Variants in VTI1A observed in about 807,000 individuals in gnomAD.
The protein encoded by VTI1A is vesicle transport through interaction with t-SNAREs homolog 1A.
Under a neutral mutation model 34.9 loss-of-function variants are expected in VTI1A, and 22 were observed. The ratio of observed to expected loss-of-function variants is 0.63; its 90% CI spans 0.45 to 0.90. The LOEUF (loss-of-function observed/expected upper bound fraction) is 0.90. Among genes scored for constraint, VTI1A ranks in the 40% least tolerant of loss-of-function variants. The pLI is 0.00. For synonymous variants in VTI1A, 87 were observed against 97.3 expected, an observed-to-expected ratio of 0.89 and a Z score of 0.62; for missense variants, 268 against 275.6, an observed-to-expected ratio of 0.97 and a Z score of 0.20.
upstream of VTI1A, chr10:112,447,073 C>A: frequency 2.5e-6 from 1 of 399,588 alleles, no homozygotes; most frequent in East Asian, 3.8e-5. Context: ...AATGATCCCT[C>A]AGAACTTGCA....
At chr10:112,801,103 A>G (rs1252122613) in intron 7 of VTI1A, among the ~76,000 whole-genome samples, 2 of 152,176 alleles carry the variant, frequency 1.3e-5, no homozygotes, top group Non-Finnish European at 2.9e-5. Context: ...TTTGCTTCTC[A>G]ATAAAGGGTT....
At chr10:112,844,438 C>T in the VTI1A span, among the ~76,000 whole-genome samples, 3 of 152,214 alleles carry the variant, frequency 2.0e-5, no homozygotes, top group Non-Finnish European at 4.4e-5. Flanking sequence ...CTTGCTCTGT[C>T]GCCCTGGCTG....
intron 5 of VTI1A, among the ~76,000 whole-genome samples, chr10:112,618,514 T>G (rs868858261): frequency 0.31 from 12,792 of 41,566 alleles, 1,169 homozygotes; most frequent in Non-Finnish European, 0.33. Context: ...TATATATATA[T>G]ATATATATAT....
intron 7 of VTI1A, among the ~76,000 whole-genome samples, chr10:112,783,811 G>A (rs140866212): frequency 2.0e-4 from 30 of 152,322 alleles, no homozygotes; most frequent in African/African-American, 4.8e-4. Flanking sequence ...GTGCTGAGCC[G>A]ATTCCAGCAT....
chr10:112,558,443 T>G (rs1377854856), intron 5 of VTI1A, among the ~76,000 whole-genome samples: 3 of 152,216 alleles, frequency 2.0e-5, no homozygotes, highest in African/African-American at 2.4e-5. Context: ...TCAGTGTGCA[T>G]AAATACTTAT....
intron 5 of VTI1A, among the ~76,000 whole-genome samples, chr10:112,565,739 A>G (rs752978032): frequency 5.3e-5 from 8 of 152,206 alleles, no homozygotes; most frequent in Non-Finnish European, 1.0e-4. Flanking sequence ...AATCAAGAGG[A>G]CGGGCTATCA....
intron 1 of VTI1A, among the ~76,000 whole-genome samples, chr10:112,451,559 G>C (rs1169068426): frequency 2.0e-5 from 3 of 152,214 alleles, no homozygotes; most frequent in African/African-American, 7.2e-5. Context: ...TTGGAACTGG[G>C]CTTTGAACTC....
intron 5 of VTI1A, among the ~76,000 whole-genome samples, chr10:112,558,918 G>A (rs1391516624): frequency 6.6e-6 from 1 of 152,092 alleles, no homozygotes; most frequent in Admixed American, 6.6e-5. Context: ...TTTTATGGTG[G>A]CATTAAGAGA....
chr10:112,767,649 C>A lies in VTI1A; in HGVS notation c.561-47641C>A, dbSNP rs184935394. On this transcript the variant is annotated intron_variant, in intron 7 of 7. Coordinates refer to ENST00000393077, the MANE Select transcript of VTI1A (RefSeq NM_145206.4). The surrounding 1 kb of genome is among the most constrained non-coding windows in gnomAD (Gnocchi z 4.0). ...TCGTTTGAGTTTTCAACTAAAGGGT[C>A]TTTCCTGCCTGCCTACCTTATTTCT... Among the ~76,000 whole-genome samples the A allele has an allele frequency of 2.3e-4, 35 of 151,908 alleles. No homozygotes were observed. The highest frequency in any genetic ancestry group is 3.4e-3 in the Middle Eastern group (1 of 290).
At position 112,611,737 on chromosome 10, in the gene VTI1A, A is replaced by ATTTTTTTTTTTTTTTTTTTT. The variant is rs3057346; in HGVS notation, c.428-56478_428-56459dup. 8.5e-3 allele frequency among the ~76,000 whole-genome samples: 860 copies of ATTTTTTTTTTTTTTTTTTTT among 100,750 alleles called. 51 individuals carry two copies. The highest frequency in any genetic ancestry group is 0.012 in the Non-Finnish European group (640 of 52,114). 66.1% of individuals were successfully genotyped at this position (100,750 alleles called of 152,430 possible). On this transcript the variant is annotated intron_variant, in intron 5 of 7. Coordinates refer to ENST00000393077, the MANE Select transcript of VTI1A (RefSeq NM_145206.4). ...TAAAGCCCATTTGGTGAGAAAGGTA[A>ATTTTTTTTTTTTTTTTTTTT]TTTTTTTTTTTTTTTTTTTTTTGTG...
the VTI1A span, among the ~76,000 whole-genome samples, chr10:112,838,073 A>G: frequency 3.9e-5 from 6 of 152,238 alleles, no homozygotes; most frequent in Admixed American, 3.9e-4. Flanking sequence ...GCCAGTGTGA[A>G]GGCCCAGGCA....
chr10:112,778,017 G>A (rs920891681), intron 7 of VTI1A, among the ~76,000 whole-genome samples: 3 of 152,070 alleles, frequency 2.0e-5, no homozygotes, highest in African/African-American at 7.2e-5. Context: ...CAGGAGAATC[G>A]CTTGAACCTG....
chr10:112,840,965 G>A, the VTI1A span, among the ~76,000 whole-genome samples: 1,313 of 152,276 alleles, frequency 8.6e-3, 19 homozygotes, highest in African/African-American at 0.03. Context: ...CACGACACCT[G>A]CCATCTAGGA....
chr10:112,496,745 G>C (rs1849040019), intron 3 of VTI1A, among the ~76,000 whole-genome samples: 1 of 152,196 alleles, frequency 6.6e-6, no homozygotes, highest in Non-Finnish European at 1.5e-5. Context: ...GTGTGAACCT[G>C]ATATGCTGCT....
At chr10:112,753,747 A>C (rs1205911270) in intron 7 of VTI1A, among the ~76,000 whole-genome samples, 1 of 152,210 alleles carries the variant, frequency 6.6e-6, no homozygotes, top group Non-Finnish European at 1.5e-5. Context: ...TTTTTCGTGA[A>C]TATATTCATA....
chr10:112,682,431 A>G (rs1470975106), intron 7 of VTI1A, among the ~76,000 whole-genome samples: 2 of 152,210 alleles, frequency 1.3e-5, no homozygotes, highest in African/African-American at 4.8e-5. Context: ...TGGAGAAATT[A>G]ATTTACCAAT....
At chr10:112,578,066 T>C (rs1368898679) in intron 5 of VTI1A, among the ~76,000 whole-genome samples, 1 of 152,244 alleles carries the variant, frequency 6.6e-6, no homozygotes, top group Non-Finnish European at 1.5e-5. Flanking sequence ...TTGAACCTTT[T>C]TGAGCCCAAG....
Position 112,759,055 on chromosome 10 carries a change from C to T in VTI1A, c.561-56235C>T, listed in dbSNP as rs975994679. 2.6e-5 allele frequency among the ~76,000 whole-genome samples: 4 copies of T among 152,190 alleles called. No homozygotes were observed. The South Asian group carries it at 8.3e-4, about 32-fold the overall frequency. On this transcript the variant is annotated intron_variant, in intron 7 of 7. Coordinates refer to ENST00000393077, the MANE Select transcript of VTI1A (RefSeq NM_145206.4). Reference sequence around the variant, plus strand: ...ATGAGTCTCCTGCCCTGTTCCCTCCCAGGCCTCCCCTGCCTCCCTACCCCA... The same window carrying T: ...ATGAGTCTCCTGCCCTGTTCCCTCCTAGGCCTCCCCTGCCTCCCTACCCCA...
chr10:112,694,632 C>CA (rs879347477), intron 7 of VTI1A, among the ~76,000 whole-genome samples: 91 of 138,304 alleles, frequency 6.6e-4, no homozygotes, highest in Middle Eastern at 3.6e-3. Flanking sequence ...GATTCAGTCT[C>CA]AAAAAAAAAA....
Sources: allele counts gnomAD v4.1 joint callset (sites outside exome capture counted in the v4.1 genomes callset), GRCh38; gene constraint gnomAD v4.1.1; non-coding constraint Gnocchi (gnomAD v3.1); transcripts MANE v1.5; gene names NCBI Gene and HGNC (gene_info 2026-07-23, HGNC 2026-07-21).